Variants in CD8A observed in about 807,000 individuals in gnomAD.
The protein encoded by CD8A is T-cell surface glycoprotein CD8 alpha chain.
Under a neutral mutation model 24.2 loss-of-function variants are expected in CD8A, and 25 were observed. That is an observed-to-expected ratio of 1.03 (90% CI 0.75 to 1.44). The LOEUF (loss-of-function observed/expected upper bound fraction) is 1.44, where lower values mean the gene tolerates loss of function less well. CD8A is among the 40% of genes most tolerant of loss of function. CD8A has a pLI of 0.00. For synonymous variants in CD8A, 165 were observed against 149.9 expected, an observed-to-expected ratio of 1.10 and a Z score of -0.74; for missense variants, 360 against 319.7, an observed-to-expected ratio of 1.13 and a Z score of -0.96.
At chr2:86,802,958 AAAGTT>A (rs1673723096) in intron 2 of CD8A, among the ~76,000 whole-genome samples, 1 of 152,156 alleles carries the variant, frequency 6.6e-6, no homozygotes, top group South Asian at 2.1e-4. Flanking sequence ...AAAATTTCCA[AAAGTT>A]AAGAACTTTT....
chr2:86,797,578 G>A (rs1255580843), intron 3 of CD8A, among the ~76,000 whole-genome samples: 1 of 152,200 alleles, frequency 6.6e-6, no homozygotes, highest in African/African-American at 2.4e-5. Context: ...GCCAACAAGG[G>A]AGGGTAGGGG....
intron 3 of CD8A, among the ~76,000 whole-genome samples, chr2:86,800,073 G>T (rs1419595397): frequency 6.6e-6 from 1 of 151,908 alleles, no homozygotes; most frequent in Non-Finnish European, 1.5e-5. Context: ...TAGCTCCAAG[G>T]TTTTGATGAG....
At chr2:86,787,853 C>T (rs1217319893) in intron 5 of CD8A, among the ~76,000 whole-genome samples, 2 of 150,664 alleles carry the variant, frequency 1.3e-5, no homozygotes, top group Non-Finnish European at 2.9e-5. Flanking sequence ...ATGCCTCAGC[C>T]AACGGGTGGA....
At chr2:86,790,086 C>A (rs1410987450) in intron 2 of CD8A, among the ~76,000 whole-genome samples, 1 of 152,214 alleles carries the variant, frequency 6.6e-6, no homozygotes, top group Non-Finnish European at 1.5e-5. Flanking sequence ...TAATTTAAGT[C>A]ATTTGCCCAG....
At chr2:86,796,755 C>T (rs1381285418) in intron 3 of CD8A, among the ~76,000 whole-genome samples, 2 of 152,158 alleles carry the variant, frequency 1.3e-5, no homozygotes, top group African/African-American at 4.8e-5. Flanking sequence ...ACTATCAGGC[C>T]TCCCAGATGG....
intron 1 of CD8A, chr2:86,808,062 A>T (rs898522926): frequency 6.6e-6 from 1 of 152,154 alleles, no homozygotes; most frequent in African/African-American, 2.4e-5. Context: ...GCCTTGGTGG[A>T]GCCGTAAAGC....
At chr2:86,804,888 C>T (rs892723235) in intron 2 of CD8A, among the ~76,000 whole-genome samples, 2 of 151,090 alleles carry the variant, frequency 1.3e-5, no homozygotes. Context: ...CTGCAAGCTC[C>T]ACCTCCTGGG....
chr2:86,788,300 A>C (rs1573458567), intron 5 of CD8A, among the ~76,000 whole-genome samples: 1 of 126,414 alleles, frequency 7.9e-6, no homozygotes, highest in East Asian at 2.4e-4. Context: ...GATTTACTGG[A>C]GTCACACTGC....
At chr2:86,803,948 A>G (rs1008823505) in intron 2 of CD8A, among the ~76,000 whole-genome samples, 7 of 152,244 alleles carry the variant, frequency 4.6e-5, no homozygotes, top group African/African-American at 1.7e-4. Context: ...GCCTAAGGAT[A>G]CGAAGTAGCA....
At chr2:86,789,080 C>T (rs146401860) in intron 4 of CD8A, among the ~76,000 whole-genome samples, 5 of 152,368 alleles carry the variant, frequency 3.3e-5, no homozygotes, top group Admixed American at 1.3e-4. Flanking sequence ...CGACGGAACA[C>T]ACCCGCTGCA....
rs770405273 is a variant in CD8A at position 86,788,531 on chromosome 2, G to A, written c.655C>T (p.Arg219Trp). 6 of 1,612,720 alleles carry A rather than the reference G, an allele frequency of 3.7e-6. No individual in the cohort carries two copies. The highest frequency in any genetic ancestry group is 3.3e-5 in the South Asian group (3 of 90,826). Reference sequence around the variant, plus strand: ...AGGCTGAGTTCAAAAGAGACTCACCGGGGACATTTGCAAACACGTCTTCGG... The same window carrying A: ...AGGCTGAGTTCAAAAGAGACTCACCAGGGACATTTGCAAACACGTCTTCGG... ...RNRRRVCKCP[R>W]PVVKSGDKPS... Residue 219 changes from arginine (R) to tryptophan (W), a missense_variant and splice_region_variant, in exon 5 of 6, where the codon CGG becomes TGG. Arg to Trp is a moderately radical substitution (Grantham distance 101, BLOSUM62 -3). Coordinates refer to ENST00000283635, the MANE Select transcript of CD8A (RefSeq NM_001768.7).
chr2:86,795,796 T>C (rs1238667171), upstream of CD8A, among the ~76,000 whole-genome samples: 2 of 152,116 alleles, frequency 1.3e-5, no homozygotes, highest in African/African-American at 2.4e-5. Context: ...CTGTGGGCCC[T>C]GGAAAGTCAG....
upstream of CD8A, among the ~76,000 whole-genome samples, chr2:86,792,360 G>A (rs1673338326): frequency 6.6e-6 from 1 of 152,208 alleles, no homozygotes; most frequent in African/African-American, 2.4e-5. Flanking sequence ...TGCTGGGCGA[G>A]GACCATGCCG....
chr2:86,800,154 T>A (rs1673620272), intron 3 of CD8A, among the ~76,000 whole-genome samples: 1 of 152,024 alleles, frequency 6.6e-6, no homozygotes, highest in Non-Finnish European at 1.5e-5. Context: ...AAGTTTAAAA[T>A]CTATGATAAG....
intron 3 of CD8A, among the ~76,000 whole-genome samples, chr2:86,798,500 C>T (rs1000900251): frequency 6.0e-5 from 9 of 150,500 alleles, no homozygotes; most frequent in African/African-American, 2.0e-4. Flanking sequence ...TTATGCTTCC[C>T]GTTTGCATAA....
intron 3 of CD8A, among the ~76,000 whole-genome samples, chr2:86,800,067 T>C (rs1673617904): frequency 6.6e-6 from 1 of 152,002 alleles, no homozygotes; most frequent in Admixed American, 6.6e-5. Context: ...AATCTTTAGC[T>C]CCAAGGTTTT....
chr2:86,790,451 A>G lies in CD8A; in HGVS notation c.280T>C (p.Leu94=), dbSNP rs771071573. ...AGGGTGAGGACGAAGGTGTCCCCCAACCTCTTGCCCGAGAACCGCTGGGTG... is the reference window on the plus strand; with the variant it reads ...AGGGTGAGGACGAAGGTGTCCCCCAGCCTCTTGCCCGAGAACCGCTGGGTG... The part of the protein sequence containing the change: ...LDTQRFSGKR[L]GDTFVLTLSD... Residue 94 remains leucine (L), a synonymous_variant, in exon 2 of 6, where the codon TTG becomes CTG. Coordinates refer to ENST00000283635, the MANE Select transcript of CD8A (RefSeq NM_001768.7). The G allele has an allele frequency of 2.4e-5, 39 of 1,613,912 alleles. No homozygotes were observed. The highest frequency in any genetic ancestry group is 3.1e-5 in the Non-Finnish European group (37 of 1,179,980).
At chr2:86,799,078 T>C (rs975256784) in intron 3 of CD8A, among the ~76,000 whole-genome samples, 5 of 152,228 alleles carry the variant, frequency 3.3e-5, no homozygotes, top group Admixed American at 3.3e-4. Context: ...TCAGTGGTTC[T>C]TGAACCAGAG....
chr2:86,802,966 G>C (rs918855243), intron 2 of CD8A, among the ~76,000 whole-genome samples: 3 of 152,036 alleles, frequency 2.0e-5, no homozygotes, highest in African/African-American at 4.8e-5. Flanking sequence ...CAAAAGTTAA[G>C]AACTTTTTCT....
Sources: gnomAD v4.1 joint callset for allele counts (sites outside exome capture counted in the v4.1 genomes callset) on GRCh38, gnomAD v4.1.1 for gene constraint, MANE v1.5 for transcripts, NCBI Gene and HGNC (gene_info 2026-07-23, HGNC 2026-07-21) for gene names.